The following GALNTL6 variants were observed in gnomAD, a reference collection of about 807,000 sequenced individuals.
GALNTL6 encodes the protein polypeptide N-acetylgalactosaminyltransferase like 6, also known as polypeptide N-acetylgalactosaminyltransferase-like 6.
GALNTL6 carries 46 observed loss-of-function variants against 73.7 expected under a neutral mutation model. That is an observed-to-expected ratio of 0.62 (90% confidence interval 0.49 to 0.80). The LOEUF is 0.80. Ranked by LOEUF, GALNTL6 falls within the 30% of genes least tolerant of loss-of-function variation. The pLI is 0.00. For missense variants in GALNTL6, 604 were observed against 755.0 expected (o/e 0.80, Z 2.34); for synonymous variants, 259 against 263.7 (o/e 0.98, Z 0.17).
At chr4:172,501,159 T>C (rs962284162) in intron 5 of GALNTL6, among the ~76,000 whole-genome samples, 7 of 152,216 alleles carry the variant, frequency 4.6e-5, no homozygotes, top group Non-Finnish European at 7.3e-5. Context: ...ACAATGTGAT[T>C]TCCTGACTGT....
chr4:172,118,685 G>T (rs1261585320), intron 2 of GALNTL6, among the ~76,000 whole-genome samples: 4 of 149,676 alleles, frequency 2.7e-5, no homozygotes, highest in Non-Finnish European at 5.9e-5. Flanking sequence ...GGGAGATAGA[G>T]CAAGACTCTG....
chr4:173,023,855 T>C (rs1753117004), intron 12 of GALNTL6, among the ~76,000 whole-genome samples: 1 of 152,150 alleles, frequency 6.6e-6, no homozygotes, highest in Admixed American at 6.5e-5. Context: ...TTCAACATGA[T>C]ACAGCCTGTG....
chr4:172,996,163 GACAC>G (rs10658403), intron 10 of GALNTL6, among the ~76,000 whole-genome samples: 71 of 148,296 alleles, frequency 4.8e-4, no homozygotes, highest in African/African-American at 1.3e-3. Context: ...AAGAAAATGT[GACAC>G]ACACACACAC....
intron 3 of GALNTL6, among the ~76,000 whole-genome samples, chr4:172,277,026 T>A (rs948203095): frequency 6.6e-6 from 1 of 152,114 alleles, no homozygotes; most frequent in African/African-American, 2.4e-5. Context: ...ATACTTGGAT[T>A]TTTTCTTTCT....
intron 2 of GALNTL6, among the ~76,000 whole-genome samples, chr4:172,226,111 C>T (rs1736857858): frequency 6.6e-6 from 1 of 152,114 alleles, no homozygotes; most frequent in Non-Finnish European, 1.5e-5. Flanking sequence ...TGGTGGTAAC[C>T]AGCAATCCTC....
chr4:172,357,757 A>G (rs1742216148), intron 5 of GALNTL6, among the ~76,000 whole-genome samples: 1 of 152,096 alleles, frequency 6.6e-6, no homozygotes, highest in South Asian at 2.1e-4. Flanking sequence ...TCTGTAAAGA[A>G]CTGCTTAATG....
intron 2 of GALNTL6, among the ~76,000 whole-genome samples, chr4:172,228,491 T>A (rs1736944360): frequency 6.6e-6 from 1 of 152,108 alleles, no homozygotes. Flanking sequence ...TTTTATAAGC[T>A]ATGAAGATGG....
chr4:172,642,500 TC>T (rs1347517284), intron 5 of GALNTL6, among the ~76,000 whole-genome samples: 1 of 151,908 alleles, frequency 6.6e-6, no homozygotes, highest in African/African-American at 2.4e-5. Flanking sequence ...CTACATGATC[TC>T]ACTTATGTGG....
At chr4:172,877,534 C>T (rs1045965272) in intron 7 of GALNTL6, among the ~76,000 whole-genome samples, 5 of 151,860 alleles carry the variant, frequency 3.3e-5, no homozygotes, top group Non-Finnish European at 7.4e-5. Flanking sequence ...GGTTTTAGTA[C>T]ACTTTACCTT....
intron 2 of GALNTL6, among the ~76,000 whole-genome samples, chr4:172,037,717 T>A (rs1741970037): frequency 6.6e-6 from 1 of 152,186 alleles, no homozygotes. Context: ...AACCTCAAAC[T>A]ATCTTGAAAT....
rs1352908339 is a variant in GALNTL6, at chr4:172,611,844, T to TA, written c.554-197516dup. Among the ~76,000 whole-genome samples, 5 of 152,236 alleles carry TA rather than the reference T, an allele frequency of 3.3e-5. No individual in the cohort carries two copies. The East Asian group carries it at 9.6e-4, about 29-fold the overall frequency. On this transcript the variant is annotated intron_variant, in intron 5 of 12. Transcript: ENST00000506823. Reference sequence around the variant, plus strand: ...CAAGAAGATGGAGATTCTGATTGTTTACACATAATGCAGACAATTGTAGTT... The same window carrying TA: ...CAAGAAGATGGAGATTCTGATTGTTTAACACATAATGCAGACAATTGTAGTT...
At chr4:172,612,649 A>T (rs1560835829) in intron 5 of GALNTL6, among the ~76,000 whole-genome samples, 1 of 152,086 alleles carries the variant, frequency 6.6e-6, no homozygotes, top group African/African-American at 2.4e-5. Flanking sequence ...GCCAATCAGA[A>T]GAGTCTTGCA....
intron 5 of GALNTL6, among the ~76,000 whole-genome samples, chr4:172,513,879 CGTAT>C: frequency 6.6e-6 from 1 of 152,242 alleles, no homozygotes; most frequent in East Asian, 1.9e-4. Flanking sequence ...CTTGTTTTCT[CGTAT>C]GCTGGTTGTG....
chr4:172,471,422 TTTTG>T (rs1357481010), intron 5 of GALNTL6, among the ~76,000 whole-genome samples: 1 of 152,230 alleles, frequency 6.6e-6, no homozygotes, highest in Non-Finnish European at 1.5e-5. Context: ...ATTCCTTTTG[TTTTG>T]TTTATGTTTT....
chr4:172,377,928 A>C (rs1579012656), intron 5 of GALNTL6, among the ~76,000 whole-genome samples: 3 of 141,690 alleles, frequency 2.1e-5, no homozygotes, highest in East Asian at 2.1e-4. Context: ...CTTCCTCCAC[A>C]CCTCCCCACA....
rs72988592 is a variant in GALNTL6 at position 172,644,411 on chromosome 4, C to G, written c.554-164950C>G. Among the ~76,000 whole-genome samples the G allele has an allele frequency of 3.2e-3, 484 of 152,010 alleles. 1 individual carries two copies. The highest frequency in any genetic ancestry group is 8.6e-3 in the African/African-American group (356 of 41,520). On this transcript the variant is annotated intron_variant, in intron 5 of 12. Coordinates refer to ENST00000506823, the MANE Select transcript of GALNTL6 (RefSeq NM_001034845.3). ...AGATCTCCCTTCCACTTTCAACAAC[C>G]TCTAAGAGGTTACTATTTTGACTTT...
chr4:172,759,938 G>A (rs531172078), intron 5 of GALNTL6, among the ~76,000 whole-genome samples: 90 of 145,952 alleles, frequency 6.2e-4, no homozygotes, highest in Non-Finnish European at 2.8e-4. Context: ...CCGGGTTCAC[G>A]CCATTCTCCT....
At chr4:171,986,223 G>T (rs1456491996) in intron 2 of GALNTL6, among the ~76,000 whole-genome samples, 2 of 151,832 alleles carry the variant, frequency 1.3e-5, no homozygotes, top group African/African-American at 2.4e-5. Context: ...AAGGAGATAA[G>T]GGTGGGGCTG....
chr4:172,512,501 C>CT lies in GALNTL6; in HGVS notation c.553+163821dup, dbSNP rs201689063. Among the ~76,000 whole-genome samples, 919 of 151,388 alleles carry CT rather than the reference C, an allele frequency of 6.1e-3. 8 individuals carry two copies. The highest frequency in any genetic ancestry group is 0.031 in the Admixed American group (477 of 15,208). Reference sequence around the variant, plus strand: ...TCATGCTAGTTGTTGCTTGAATACTCTTTTTTTTTCCATTGTGTTATTATT... The same window carrying CT: ...TCATGCTAGTTGTTGCTTGAATACTCTTTTTTTTTTCCATTGTGTTATTATT... On this transcript the variant is annotated intron_variant, in intron 5 of 12. Coordinates refer to ENST00000506823, the MANE Select transcript of GALNTL6 (RefSeq NM_001034845.3).
Sources: allele counts gnomAD v4.1 joint callset (sites outside exome capture counted in the v4.1 genomes callset), GRCh38; gene constraint gnomAD v4.1.1; transcripts MANE v1.5; gene names NCBI Gene and HGNC (gene_info 2026-07-23, HGNC 2026-07-21).